Variants in PTPN13 observed in about 807,000 individuals in gnomAD.
PTPN13 encodes tyrosine-protein phosphatase non-receptor type 13.
In PTPN13, 191 loss-of-function variants were observed where a neutral mutation model predicts 284.0. The ratio of observed to expected loss-of-function variants is 0.67; its 90% CI spans 0.60 to 0.76. PTPN13 has a LOEUF of 0.76. Ranked by LOEUF, PTPN13 falls within the 30% of genes least tolerant of loss-of-function variation. The pLI, the probability that PTPN13 is intolerant of heterozygous loss-of-function variation, is 0.00. For synonymous variants in PTPN13, 986 were observed against 1,022.3 expected, an observed-to-expected ratio of 0.96 and a Z score of 0.68; for missense variants, 2,797 against 2,939.9, an observed-to-expected ratio of 0.95 and a Z score of 1.12.
intron 1 of PTPN13, among the ~76,000 whole-genome samples, chr4:86,605,203 A>C (rs2149171241): frequency 6.6e-6 from 1 of 152,082 alleles, no homozygotes; most frequent in Non-Finnish European, 1.5e-5. Flanking sequence ...GCCTTAGGAG[A>C]GTGGAGGGTA....
At chr4:86,643,142 G>A (rs1042224145) in intron 2 of PTPN13, among the ~76,000 whole-genome samples, 9 of 152,048 alleles carry the variant, frequency 5.9e-5, no homozygotes, top group Non-Finnish European at 5.9e-5. Context: ...CTGGTTCCCT[G>A]TCTAATAAAT....
intron 16 of PTPN13, among the ~76,000 whole-genome samples, chr4:86,743,196 G>A (rs1432134056): frequency 6.6e-6 from 1 of 152,052 alleles, no homozygotes; most frequent in Non-Finnish European, 1.5e-5. Context: ...CTTTGTATGT[G>A]TTTCAAGACT....
At chr4:86,697,070 A>C (rs143685587) in intron 6 of PTPN13, among the ~76,000 whole-genome samples, 18 of 152,256 alleles carry the variant, frequency 1.2e-4, no homozygotes, top group Non-Finnish European at 2.1e-4. Flanking sequence ...TCAACTGCAT[A>C]GACTAATTTT....
At chr4:86,791,381 G>A (rs543706279) in intron 40 of PTPN13, among the ~76,000 whole-genome samples, 8 of 152,310 alleles carry the variant, frequency 5.3e-5, no homozygotes, top group African/African-American at 1.9e-4. Context: ...CCGCAACTCA[G>A]CAAGGCCTAC....
intron 2 of PTPN13, among the ~76,000 whole-genome samples, chr4:86,661,673 T>C (rs1031866721): frequency 6.6e-6 from 1 of 152,166 alleles, no homozygotes; most frequent in Admixed American, 6.5e-5. Context: ...TGGAACCATG[T>C]CATCACAAGT....
At chr4:86,676,043 A>G (rs759758717) in intron 3 of PTPN13, among the ~76,000 whole-genome samples, 68 of 151,918 alleles carry the variant, frequency 4.5e-4, no homozygotes, top group African/African-American at 7.0e-4. Context: ...TAGTAAATCT[A>G]TTTACCCAAG....
chr4:86,687,766 C>T (rs2148953759), intron 4 of PTPN13, among the ~76,000 whole-genome samples: 1 of 152,000 alleles, frequency 6.6e-6, no homozygotes, highest in Admixed American at 6.6e-5. Context: ...AAAATGTGAT[C>T]ACAGTCTATA....
At chr4:86,812,258 C>A (rs1745298039) in intron 47 of PTPN13, among the ~76,000 whole-genome samples, 1 of 138,232 alleles carries the variant, frequency 7.2e-6, no homozygotes, top group South Asian at 2.3e-4. Context: ...TGCAGTGAGC[C>A]GAGATCCCGC....
At chr4:86,793,620 C>G (rs1030773387) in intron 40 of PTPN13, among the ~76,000 whole-genome samples, 1 of 152,168 alleles carries the variant, frequency 6.6e-6, no homozygotes, top group East Asian at 1.9e-4. Context: ...CACTACTCAG[C>G]AAATGTAAAA....
At chr4:86,683,049 A>G (rs1218512998) in intron 3 of PTPN13, among the ~76,000 whole-genome samples, 1 of 152,194 alleles carries the variant, frequency 6.6e-6, no homozygotes, top group Non-Finnish European at 1.5e-5. Context: ...CTAATAAAGT[A>G]GCAATTGTCA....
chr4:86,670,480 C>CT (rs150230748), intron 2 of PTPN13, among the ~76,000 whole-genome samples: 1 of 151,844 alleles, frequency 6.6e-6, no homozygotes, highest in East Asian at 1.9e-4. Flanking sequence ...CCAGAGTCCT[C>CT]TTTTTCTGTC....
intron 40 of PTPN13, among the ~76,000 whole-genome samples, chr4:86,795,702 T>C (rs999047318): frequency 2.6e-5 from 4 of 152,162 alleles, no homozygotes; most frequent in Admixed American, 2.6e-4. Context: ...TGGAATACTA[T>C]GCAGCCATAA....
intron 3 of PTPN13, among the ~76,000 whole-genome samples, chr4:86,677,318 C>CTT (rs1175955514): frequency 8.7e-5 from 12 of 138,608 alleles, no homozygotes; most frequent in African/African-American, 2.1e-4. Flanking sequence ...TAAATTTAGT[C>CTT]TTTTTTTTTT....
At chr4:86,696,606 A>T (rs2074846547) in intron 6 of PTPN13, among the ~76,000 whole-genome samples, 1 of 151,902 alleles carries the variant, frequency 6.6e-6, no homozygotes, top group South Asian at 2.1e-4. Flanking sequence ...TAGAATTCTT[A>T]TTATTAATAT....
intron 1 of PTPN13, among the ~76,000 whole-genome samples, chr4:86,631,486 T>A (rs772074115): frequency 2.0e-5 from 3 of 152,156 alleles, no homozygotes; most frequent in Non-Finnish European, 4.4e-5. Context: ...TGACATTGGG[T>A]AATTAGAATG....
intron 2 of PTPN13, among the ~76,000 whole-genome samples, chr4:86,664,106 A>G (rs1726807962): frequency 1.3e-5 from 2 of 152,166 alleles, no homozygotes; most frequent in African/African-American, 4.8e-5. Flanking sequence ...TACTGTGTAG[A>G]TTCCTGTACT....
At chr4:86,686,871 C>A in intron 4 of PTPN13, 96 bp downstream of exon 4, 1 of 845,830 alleles carries the variant, frequency 1.2e-6, no homozygotes, top group Non-Finnish European at 1.9e-6. Flanking sequence ...TGTTCTACAG[C>A]ATGCTGTCAG....
intron 9 of PTPN13, among the ~76,000 whole-genome samples, chr4:86,717,332 G>A (rs956304201): frequency 1.3e-5 from 2 of 151,938 alleles, no homozygotes; most frequent in African/African-American, 4.8e-5. Context: ...GGGATTACAG[G>A]TATGCACCAA....
At chr4:86,739,711 C>T (rs1421611605) in intron 15 of PTPN13, among the ~76,000 whole-genome samples, 2 of 152,202 alleles carry the variant, frequency 1.3e-5, no homozygotes, top group African/African-American at 2.4e-5. Flanking sequence ...TCAGCATTAA[C>T]CCAAAAGTCC....
Sources: allele counts gnomAD v4.1 joint callset (sites outside exome capture counted in the v4.1 genomes callset), GRCh38; gene constraint gnomAD v4.1.1; transcripts MANE v1.5; gene names NCBI Gene and HGNC (gene_info 2026-07-23, HGNC 2026-07-21).